GRM5: variants seen among roughly 807,000 people sequenced by gnomAD.
GRM5 encodes metabotropic glutamate receptor 5.
Under a neutral mutation model 83.1 loss-of-function variants are expected in GRM5, and 19 were observed. The ratio of observed to expected loss-of-function variants is 0.23; its 90% CI spans 0.16 to 0.34. GRM5 has a LOEUF of 0.34. Among genes scored for constraint, GRM5 ranks in the 10% least tolerant of loss-of-function variants. GRM5 has a pLI of 1.00. For synonymous variants in GRM5, 675 were observed against 633.6 expected (o/e 1.07, Z -0.98); for missense variants, 1,160 against 1,588.3 (o/e 0.73, Z 4.58).
chr11:88,945,056 T>C (rs995532286), intron 2 of GRM5, among the ~76,000 whole-genome samples: 1 of 151,836 alleles, frequency 6.6e-6, no homozygotes, highest in Non-Finnish European at 1.5e-5. Context: ...GGAACATTTT[T>C]ACACATGAAT....
intron 8 of GRM5, among the ~76,000 whole-genome samples, chr11:88,531,293 T>C (rs1317240155): frequency 6.6e-6 from 1 of 151,930 alleles, no homozygotes; most frequent in African/African-American, 2.4e-5. Context: ...AAAACAACAG[T>C]AAATGGAGTG....
At chr11:88,844,289 C>T (rs959657982) in intron 3 of GRM5, among the ~76,000 whole-genome samples, 3 of 151,304 alleles carry the variant, frequency 2.0e-5, no homozygotes, top group African/African-American at 7.3e-5. Flanking sequence ...AAAAACAAAG[C>T]CTGGGTGACA....
chr11:88,596,140 C>G (rs1937798887), intron 6 of GRM5, among the ~76,000 whole-genome samples: 1 of 152,140 alleles, frequency 6.6e-6, no homozygotes, highest in South Asian at 2.1e-4. Context: ...GTTACTAACA[C>G]TTAGAATTTC....
At chr11:88,963,055 C>T (rs746522641) in intron 2 of GRM5, among the ~76,000 whole-genome samples, 4 of 152,178 alleles carry the variant, frequency 2.6e-5, no homozygotes, top group Non-Finnish European at 5.9e-5. Context: ...TGCCACTGCA[C>T]ACTCCAGCCT....
rs1486783604 is a variant in GRM5, at chr11:88,945,559, G to A, written c.662-95404C>T. ...ACAAACACAGGGAGATAGACCAACG[G>A]AACAGAACTCAGAAATAAAGCTGCA... On this transcript the variant is annotated intron_variant, in intron 2 of 9. Coordinates refer to ENST00000305447, the MANE Select transcript of GRM5 (RefSeq NM_001143831.3). Among the ~76,000 whole-genome samples, 12 of 151,834 alleles carry A rather than the reference G, an allele frequency of 7.9e-5. 1 individual carries two copies. The South Asian group carries it at 1.0e-3, about 13-fold the overall frequency.
intron 8 of GRM5, among the ~76,000 whole-genome samples, chr11:88,555,407 A>G (rs1942602414): frequency 6.6e-6 from 1 of 152,154 alleles, no homozygotes; most frequent in South Asian, 2.1e-4. Context: ...ACTGGGACTT[A>G]CTTAACAAAT....
chr11:88,675,278 T>C (rs1335470268), intron 3 of GRM5, among the ~76,000 whole-genome samples: 3 of 152,038 alleles, frequency 2.0e-5, no homozygotes, highest in East Asian at 3.9e-4. Context: ...TTTCATTCCA[T>C]TGTCCTAGCA....
At chr11:88,549,369 T>G (rs1347937509) in intron 8 of GRM5, among the ~76,000 whole-genome samples, 1 of 151,278 alleles carries the variant, frequency 6.6e-6, no homozygotes, top group Non-Finnish European at 1.5e-5. Flanking sequence ...GGAGGATCAC[T>G]TTAGCCCAGG....
At chr11:88,977,632 G>T (rs116106543) in intron 2 of GRM5, among the ~76,000 whole-genome samples, 91 of 152,300 alleles carry the variant, frequency 6.0e-4, no homozygotes, top group African/African-American at 2.2e-3. Flanking sequence ...TCATATACAA[G>T]AATTTGAGAC....
At chr11:88,833,910 C>CA (rs1255322340) in intron 3 of GRM5, among the ~76,000 whole-genome samples, 2 of 151,472 alleles carry the variant, frequency 1.3e-5, no homozygotes, top group Admixed American at 6.6e-5. Context: ...TATGTGGGAC[C>CA]AAAAAAAAGG....
At chr11:88,807,955 AT>A (rs1020246479) in intron 3 of GRM5, among the ~76,000 whole-genome samples, 3 of 152,006 alleles carry the variant, frequency 2.0e-5, no homozygotes, top group Non-Finnish European at 4.4e-5. Context: ...AATAATTTTA[AT>A]CCCCAAAATA....
intron 3 of GRM5, among the ~76,000 whole-genome samples, chr11:88,746,118 G>C (rs949657542): frequency 3.9e-5 from 6 of 152,058 alleles, no homozygotes; most frequent in Non-Finnish European, 8.8e-5. Flanking sequence ...ATAATCCTTA[G>C]ATTGATAACC....
chr11:88,906,419 G>A (rs1291884093), intron 2 of GRM5, among the ~76,000 whole-genome samples: 1 of 151,968 alleles, frequency 6.6e-6, no homozygotes, highest in East Asian at 1.9e-4. Context: ...CTCACCAGAT[G>A]GCTTACTTAA....
chr11:88,814,405 C>G (rs12277829), intron 3 of GRM5, among the ~76,000 whole-genome samples: 3,872 of 152,248 alleles, frequency 0.025, 174 homozygotes, highest in African/African-American at 0.089. Context: ...TTAGCCATTA[C>G]AGCCTGCAAA....
chr11:88,899,944 C>A (rs1945289613), intron 2 of GRM5, among the ~76,000 whole-genome samples: 1 of 152,004 alleles, frequency 6.6e-6, no homozygotes, highest in African/African-American at 2.4e-5. Flanking sequence ...AGCTGATCCT[C>A]CCAACTTCAT....
At chr11:88,956,591 G>T (rs1286061680) in intron 2 of GRM5, among the ~76,000 whole-genome samples, 1 of 152,116 alleles carries the variant, frequency 6.6e-6, no homozygotes, top group Admixed American at 6.5e-5. Flanking sequence ...CAGATCACGA[G>T]GTCAGGAAAT....
intron 2 of GRM5, among the ~76,000 whole-genome samples, chr11:88,996,432 T>C (rs1445202203): frequency 2.6e-5 from 4 of 152,206 alleles, no homozygotes; most frequent in African/African-American, 9.6e-5. Flanking sequence ...ATTTGAATGA[T>C]GATACATCAG....
At chr11:88,875,014 C>A (rs1320849336) in intron 2 of GRM5, among the ~76,000 whole-genome samples, 1 of 151,042 alleles carries the variant, frequency 6.6e-6, no homozygotes, top group Non-Finnish European at 1.5e-5. Context: ...AGGGCGGTGG[C>A]TGCTGAATGT....
At chr11:88,667,725 C>T (rs772839515) in intron 3 of GRM5, among the ~76,000 whole-genome samples, 1 of 151,854 alleles carries the variant, frequency 6.6e-6, no homozygotes, top group Non-Finnish European at 1.5e-5. Context: ...AACACCGTCT[C>T]TACTTAAAAA....
Sources: gnomAD v4.1 joint callset for allele counts (sites outside exome capture counted in the v4.1 genomes callset) on GRCh38, gnomAD v4.1.1 for gene constraint, MANE v1.5 for transcripts, NCBI Gene and HGNC (gene_info 2026-07-23, HGNC 2026-07-21) for gene names.